Variants in R3HDM2 observed in about 807,000 individuals in gnomAD.
R3HDM2 encodes R3H domain containing 2.
Under a neutral mutation model 124.5 loss-of-function variants are expected in R3HDM2, and 38 were observed. That is an observed-to-expected ratio of 0.31 (90% CI 0.24 to 0.40). R3HDM2 has a LOEUF of 0.40. Ranked by LOEUF, R3HDM2 falls within the 10% of genes least tolerant of loss-of-function variation. The probability of loss-of-function intolerance (pLI) is 1.00; values close to 1 mark genes in which losing one functional copy is unlikely to be tolerated. For missense variants in R3HDM2, 869 were observed against 1,236.9 expected, an observed-to-expected ratio of 0.70 and a Z score of 4.46; for synonymous variants, 391 against 448.0, an observed-to-expected ratio of 0.87 and a Z score of 1.61.
intron 1 of R3HDM2, among the ~76,000 whole-genome samples, chr12:57,419,488 C>G (rs1170679271): frequency 6.6e-6 from 1 of 151,632 alleles, no homozygotes; most frequent in Non-Finnish European, 1.5e-5. Flanking sequence ...GTTGACCAGC[C>G]TGGGGTACAG....
At chr12:57,330,020 C>A (rs1439120161) in intron 2 of R3HDM2, among the ~76,000 whole-genome samples, 1 of 152,138 alleles carries the variant, frequency 6.6e-6, no homozygotes, top group Non-Finnish European at 1.5e-5. Flanking sequence ...ATTGCCCAGG[C>A]TGGAGGTGCG....
At chr12:57,359,890 TA>T (rs2061678143) in intron 2 of R3HDM2, among the ~76,000 whole-genome samples, 1 of 151,526 alleles carries the variant, frequency 6.6e-6, no homozygotes, top group African/African-American at 2.4e-5. Flanking sequence ...ATTAAAGTAA[TA>T]TATCACTTCA....
intron 13 of R3HDM2, among the ~76,000 whole-genome samples, chr12:57,281,328 G>C (rs538687568): frequency 1.3e-5 from 2 of 148,734 alleles, no homozygotes; most frequent in South Asian, 4.3e-4. Flanking sequence ...AAAACTTCAA[G>C]CATACACATA....
chr12:57,421,725 G>C (rs1312419365), intron 1 of R3HDM2, among the ~76,000 whole-genome samples: 1 of 150,284 alleles, frequency 6.7e-6, no homozygotes, highest in East Asian at 2.0e-4. Flanking sequence ...CCCCAGGCTA[G>C]TCTCGAACTG....
At chr12:57,401,315 T>C (rs1451028549) in intron 1 of R3HDM2, among the ~76,000 whole-genome samples, 1 of 151,092 alleles carries the variant, frequency 6.6e-6, no homozygotes, top group Non-Finnish European at 1.5e-5. Flanking sequence ...CCGTTCAGTT[T>C]CCACTCAAAA....
intron 14 of R3HDM2, among the ~76,000 whole-genome samples, chr12:57,270,420 GTTTTGTTTTGTTTT>G: frequency 1.0e-5 from 1 of 97,126 alleles, no homozygotes; most frequent in African/African-American, 3.2e-5. Flanking sequence ...GTTTTGTTTT[GTTTTGTTTTGTTTT>G]TTGTTTTTTT....
At chr12:57,270,947 T>G (rs940737505) in intron 14 of R3HDM2, among the ~76,000 whole-genome samples, 1 of 152,218 alleles carries the variant, frequency 6.6e-6, no homozygotes, top group African/African-American at 2.4e-5. Context: ...CAGGACAAAC[T>G]AGCGGCTTAA....
intron 4 of R3HDM2, among the ~76,000 whole-genome samples, chr12:57,301,434 C>G (rs978996361): frequency 6.6e-6 from 1 of 152,194 alleles, no homozygotes; most frequent in East Asian, 1.9e-4. Flanking sequence ...AAAGAACTTG[C>G]GAGCCTGAAG....
At chr12:57,258,849 G>C (rs144980573) in intron 20 of R3HDM2, 41 bp downstream of exon 20, 1 of 1,449,732 alleles carries the variant, frequency 6.9e-7, no homozygotes, top group East Asian at 2.6e-5. Flanking sequence ...GGAAGAATAC[G>C]GTCATCTCCT....
intron 2 of R3HDM2, among the ~76,000 whole-genome samples, chr12:57,350,527 G>A (rs142514521): frequency 6.6e-6 from 1 of 152,210 alleles, no homozygotes; most frequent in Non-Finnish European, 1.5e-5. Context: ...CCAGCTACTT[G>A]GGAGGCTGAG....
intron 1 of R3HDM2, among the ~76,000 whole-genome samples, chr12:57,423,875 G>A (rs2070447628): frequency 6.8e-6 from 1 of 147,896 alleles, no homozygotes; most frequent in African/African-American, 2.5e-5. Context: ...AGCCCTTTGG[G>A]AGGCTGAGGC....
intron 2 of R3HDM2, among the ~76,000 whole-genome samples, chr12:57,315,976 G>A (rs112661511): frequency 3.1e-3 from 479 of 152,216 alleles, no homozygotes; most frequent in African/African-American, 0.011. Flanking sequence ...AAAATTAGCC[G>A]GGCGTGGTGG....
intron 3 of R3HDM2, among the ~76,000 whole-genome samples, chr12:57,304,781 T>C (rs891319968): frequency 2.0e-5 from 3 of 152,230 alleles, no homozygotes; most frequent in African/African-American, 7.2e-5. Context: ...CCCAGATACT[T>C]GGTTCTCTCC....
chr12:57,330,206 T>C (rs1451829140), intron 2 of R3HDM2, among the ~76,000 whole-genome samples: 1 of 151,962 alleles, frequency 6.6e-6, no homozygotes, highest in Non-Finnish European at 1.5e-5. Context: ...CCTCAGGTGA[T>C]CCACCTGGCT....
At position 57,269,931 on chromosome 12, in the gene R3HDM2, C is replaced by G. The variant is rs747105973; in HGVS notation, c.1408G>C (p.Ala470Pro). 1 of 1,614,158 alleles carries G rather than the reference C, an allele frequency of 6.2e-7. No homozygotes were observed. The highest frequency in any genetic ancestry group is 8.5e-7 in the Non-Finnish European group (1 of 1,180,026). ...TGGAATAGAGCTGCAGATGGGTCAG[C>G]TGCTTCAGTAGAACCTTGGCGACTA... ...SLSRQGSTEA[A>P]DPSAALFQTP... The change falls in exon 15 of 24, where the codon GCT becomes CCT. Residue 470 changes from alanine to proline, a missense_variant. Ala to Pro is a conservative substitution (Grantham distance 27). Around this residue, in one of 2 missense-constraint regions of R3HDM2, gnomAD observed 602 missense variants for 789.2 expected, o/e 0.76. Coordinates refer to ENST00000402412, the MANE Select transcript of R3HDM2 (RefSeq NM_001394031.1).
intron 2 of R3HDM2, among the ~76,000 whole-genome samples, chr12:57,345,578 G>C (rs1167932397): frequency 6.6e-6 from 1 of 151,726 alleles, no homozygotes; most frequent in East Asian, 1.9e-4. Context: ...TTTAGCATCA[G>C]GCTGGAGTGC....
chr12:57,267,465 G>A (rs2042726635), intron 18 of R3HDM2, among the ~76,000 whole-genome samples: 1 of 152,200 alleles, frequency 6.6e-6, no homozygotes, highest in African/African-American at 2.4e-5. Context: ...TGAGACAGGA[G>A]AATTGCTTGA....
At chr12:57,426,099 A>T (rs1272746543) in intron 1 of R3HDM2, among the ~76,000 whole-genome samples, 1 of 152,098 alleles carries the variant, frequency 6.6e-6, no homozygotes, top group African/African-American at 2.4e-5. Flanking sequence ...GTGGTAGCCG[A>T]TGCCTGTAAT....
At chr12:57,330,143 T>C (rs1257754996) in intron 2 of R3HDM2, among the ~76,000 whole-genome samples, 1 of 152,008 alleles carries the variant, frequency 6.6e-6, no homozygotes, top group Non-Finnish European at 1.5e-5. Flanking sequence ...GTTTTGTATT[T>C]TTAGTAGAGA....
Sources: gnomAD v4.1 joint callset for allele counts (sites outside exome capture counted in the v4.1 genomes callset) on GRCh38, gnomAD v4.1.1 for gene constraint, gnomAD v4.1.1 regional missense constraint, MANE v1.5 for transcripts, NCBI Gene and HGNC (gene_info 2026-07-23, HGNC 2026-07-21) for gene names.